AGBL4: variants seen among roughly 807,000 people sequenced by gnomAD.
AGBL4 encodes the protein AGBL carboxypeptidase 4, also known as cytosolic carboxypeptidase 6.
Under a neutral mutation model 66.4 loss-of-function variants are expected in AGBL4, and 58 were observed. That is an observed-to-expected ratio of 0.87 (90% CI 0.71 to 1.09). The LOEUF is 1.09. AGBL4 is among the 50% of genes least tolerant of loss of function. The pLI, the probability that AGBL4 is intolerant of heterozygous loss-of-function variation, is 0.00. For missense variants in AGBL4, 579 were observed against 631.0 expected, an observed-to-expected ratio of 0.92 and a Z score of 0.88; for synonymous variants, 234 against 222.9, an observed-to-expected ratio of 1.05 and a Z score of -0.44.
intron 4 of AGBL4, among the ~76,000 whole-genome samples, chr1:49,114,704 GTTA>G (rs1645480339): frequency 6.6e-6 from 1 of 152,066 alleles, no homozygotes; most frequent in Admixed American, 6.6e-5. Context: ...CCACTGGAGG[GTTA>G]TTAATTGGCC....
intron 4 of AGBL4, among the ~76,000 whole-genome samples, chr1:49,119,847 A>G (rs1645614168): frequency 6.6e-6 from 1 of 152,144 alleles, no homozygotes; most frequent in Non-Finnish European, 1.5e-5. Context: ...GAGTTCCTTT[A>G]TGAATCTGGG....
chr1:48,767,361 G>C (rs1453369834), intron 6 of AGBL4, among the ~76,000 whole-genome samples: 1 of 152,212 alleles, frequency 6.6e-6, no homozygotes, highest in Admixed American at 6.5e-5. Flanking sequence ...GGCTACCCTT[G>C]TGTATTACCT....
chr1:48,901,760 G>A (rs1024867337), intron 5 of AGBL4, among the ~76,000 whole-genome samples: 16 of 152,110 alleles, frequency 1.1e-4, no homozygotes, highest in Non-Finnish European at 1.6e-4. Context: ...AATAGGGGAG[G>A]GAGTGAGAAG....
intron 3 of AGBL4, among the ~76,000 whole-genome samples, chr1:49,354,708 T>C (rs1643983422): frequency 6.6e-6 from 1 of 152,218 alleles, no homozygotes; most frequent in Non-Finnish European, 1.5e-5. Context: ...CATAGGCTAG[T>C]TGATATAAAT....
intron 4 of AGBL4, among the ~76,000 whole-genome samples, chr1:49,213,034 T>G (rs1648794954): frequency 6.6e-6 from 1 of 152,154 alleles, no homozygotes. Context: ...TGAATTTCAT[T>G]TATTCTTTTA....
intron 6 of AGBL4, among the ~76,000 whole-genome samples, chr1:48,791,823 T>C (rs1645559145): frequency 6.6e-6 from 1 of 152,188 alleles, no homozygotes; most frequent in South Asian, 2.1e-4. Flanking sequence ...TAAAAAAAAG[T>C]TTGATTTAGA....
intron 3 of AGBL4, among the ~76,000 whole-genome samples, chr1:49,560,034 G>C (rs935681303): frequency 6.6e-6 from 1 of 152,074 alleles, no homozygotes; most frequent in East Asian, 1.9e-4. Context: ...AAACAGTGAA[G>C]CCTGCAATGA....
At chr1:49,742,960 C>T (rs866416002) in intron 2 of AGBL4, among the ~76,000 whole-genome samples, 1 of 152,066 alleles carries the variant, frequency 6.6e-6, no homozygotes, top group Non-Finnish European at 1.5e-5. Flanking sequence ...AGAAAAAAAC[C>T]TACGCAATAC....
chr1:49,465,056 G>C (rs1329650816), intron 3 of AGBL4, among the ~76,000 whole-genome samples: 2 of 151,690 alleles, frequency 1.3e-5, no homozygotes, highest in Admixed American at 1.3e-4. Context: ...GACCAGCCTT[G>C]ATGCCTTAAA....
intron 2 of AGBL4, among the ~76,000 whole-genome samples, chr1:49,747,547 GT>G (rs764329659): frequency 5.9e-5 from 9 of 152,092 alleles, no homozygotes; most frequent in Non-Finnish European, 1.0e-4. Context: ...CCTTTCTTAA[GT>G]TTTTCCTAAC....
intron 4 of AGBL4, among the ~76,000 whole-genome samples, chr1:49,198,719 T>C (rs1570035250): frequency 6.6e-6 from 1 of 152,142 alleles, no homozygotes; most frequent in African/African-American, 2.4e-5. Context: ...CATATCACGG[T>C]TTTTTGATAA....
intron 3 of AGBL4, among the ~76,000 whole-genome samples, chr1:49,295,687 A>G (rs1376162552): frequency 6.6e-6 from 1 of 152,168 alleles, no homozygotes; most frequent in Non-Finnish European, 1.5e-5. Flanking sequence ...CTACCATTAG[A>G]TTACATTTAA....
At chr1:49,400,086 T>C (rs1645052279) in intron 3 of AGBL4, among the ~76,000 whole-genome samples, 1 of 152,168 alleles carries the variant, frequency 6.6e-6, no homozygotes, top group Non-Finnish European at 1.5e-5. Flanking sequence ...TCTAGTTTCA[T>C]TCTTCTGCAT....
chr1:48,706,672 C>G (rs924306875), intron 6 of AGBL4, among the ~76,000 whole-genome samples: 6 of 152,020 alleles, frequency 3.9e-5, no homozygotes, highest in African/African-American at 1.2e-4. Flanking sequence ...AGTTAGAAAA[C>G]AGAAAAATAG....
At chr1:48,732,772 C>T (rs1473141912) in intron 6 of AGBL4, among the ~76,000 whole-genome samples, 1 of 152,126 alleles carries the variant, frequency 6.6e-6, no homozygotes, top group Non-Finnish European at 1.5e-5. Context: ...AAGTCAAGGG[C>T]ACACTGAAGG....
intron 6 of AGBL4, chr1:48,776,574 G>A: frequency 7.3e-7 from 1 of 1,372,534 alleles, no homozygotes; most frequent in Non-Finnish European, 9.4e-7. Context: ...CCCCGCCCGG[G>A]TCCCACCGTC....
At chr1:49,511,969 G>T (rs1649307064) in intron 3 of AGBL4, among the ~76,000 whole-genome samples, 1 of 151,982 alleles carries the variant, frequency 6.6e-6, no homozygotes, top group South Asian at 2.1e-4. Context: ...AATGATGCTT[G>T]CCCTCTGCAT....
At chr1:49,751,941 T>G (rs993258139) in intron 2 of AGBL4, among the ~76,000 whole-genome samples, 5 of 152,054 alleles carry the variant, frequency 3.3e-5, no homozygotes, top group Non-Finnish European at 5.9e-5. Context: ...TATCACTTTT[T>G]GGCATTTATT....
intron 4 of AGBL4, among the ~76,000 whole-genome samples, chr1:49,171,297 T>G (rs1312546313): frequency 6.6e-6 from 1 of 152,164 alleles, no homozygotes; most frequent in Non-Finnish European, 1.5e-5. Context: ...CTGCTGCCTA[T>G]AGTGGGTGGA....
Sources: gnomAD v4.1 joint callset for allele counts (sites outside exome capture counted in the v4.1 genomes callset) on GRCh38, gnomAD v4.1.1 for gene constraint, MANE v1.5 for transcripts, NCBI Gene and HGNC (gene_info 2026-07-23, HGNC 2026-07-21) for gene names.